TBCK: variants seen among roughly 807,000 people sequenced by gnomAD.
TBCK encodes TBC domain-containing protein kinase-like protein.
In TBCK, 99 loss-of-function variants were observed where a neutral mutation model predicts 113.4. The observed-to-expected ratio is 0.87, with a 90% CI of 0.74 to 1.03. The LOEUF (loss-of-function observed/expected upper bound fraction) is 1.03, where lower values mean the gene tolerates loss of function less well. Ranked by LOEUF, TBCK falls within the 50% of genes least tolerant of loss-of-function variation. The pLI is 0.00. For synonymous variants in TBCK, 369 were observed against 370.8 expected, an observed-to-expected ratio of 1.00 and a Z score of 0.05; for missense variants, 1,045 against 1,061.3, an observed-to-expected ratio of 0.98 and a Z score of 0.21.
At chr4:106,217,273 C>G (rs1383133327) in intron 19 of TBCK, among the ~76,000 whole-genome samples, 2 of 152,070 alleles carry the variant, frequency 1.3e-5, no homozygotes, top group Non-Finnish European at 2.9e-5. Context: ...ACTGAATGGG[C>G]AAAAACTGGA....
chr4:106,105,573 CA>C (rs1742054042), intron 24 of TBCK, among the ~76,000 whole-genome samples: 1 of 152,178 alleles, frequency 6.6e-6, no homozygotes, highest in Non-Finnish European at 1.5e-5. Context: ...CACTACTGAA[CA>C]AAAGTCTACC....
At chr4:106,106,597 A>T (rs1468244126) in intron 24 of TBCK, among the ~76,000 whole-genome samples, 4 of 152,244 alleles carry the variant, frequency 2.6e-5, no homozygotes, top group Non-Finnish European at 1.5e-5. Flanking sequence ...GCAAATGTTA[A>T]GGGACTTCAT....
intron 5 of TBCK, among the ~76,000 whole-genome samples, chr4:106,256,318 G>A (rs748812525): frequency 3.3e-5 from 5 of 152,120 alleles, no homozygotes; most frequent in Non-Finnish European, 7.3e-5. Context: ...TTCGTGCCAC[G>A]GAGCGCCTGC....
intron 24 of TBCK, among the ~76,000 whole-genome samples, chr4:106,115,414 T>A (rs1457811072): frequency 6.6e-6 from 1 of 152,206 alleles, no homozygotes; most frequent in Admixed American, 6.5e-5. Flanking sequence ...AATTTTAGCA[T>A]ATAAGAAACC....
intron 23 of TBCK, among the ~76,000 whole-genome samples, chr4:106,133,261 A>G (rs1650427062): frequency 6.6e-6 from 1 of 152,184 alleles, no homozygotes; most frequent in African/African-American, 2.4e-5. Flanking sequence ...ATGGTAGTGA[A>G]TAAGTCTCAT....
chr4:106,185,444 G>T (rs1375979694), intron 22 of TBCK, among the ~76,000 whole-genome samples: 1 of 151,654 alleles, frequency 6.6e-6, no homozygotes, highest in Non-Finnish European at 1.5e-5. Flanking sequence ...ATTATATCTT[G>T]TATAACTTTA....
chr4:106,056,448 T>A (rs892747960), intron 25 of TBCK, among the ~76,000 whole-genome samples: 1 of 151,482 alleles, frequency 6.6e-6, no homozygotes, highest in Admixed American at 6.6e-5. Context: ...TCTCTTTATA[T>A]ATAAATATAG....
chr4:106,088,565 A>G (rs537032093), intron 25 of TBCK, among the ~76,000 whole-genome samples: 2 of 152,334 alleles, frequency 1.3e-5, no homozygotes, highest in East Asian at 3.9e-4. Flanking sequence ...AGAACCAGAA[A>G]AACCATCTGG....
chr4:106,168,304 T>TA lies in TBCK; in HGVS notation c.2235+2790dup, dbSNP rs201751905. 2.4e-4 allele frequency among the ~76,000 whole-genome samples: 37 copies of TA among 151,940 alleles called. No individual in the cohort carries two copies. In the East Asian group the frequency reaches 3.7e-3, roughly 15 times the overall value. On this transcript the variant is annotated intron_variant, in intron 23 of 25. Coordinates refer to ENST00000394708, the MANE Select transcript of TBCK (RefSeq NM_001163435.3). ...TACAAAATCCAACATGCATTCATGA[T>TA]AAAAAATCTCTCAGCAAATTGGGAA...
chr4:106,199,110 C>T (rs1754588869), intron 20 of TBCK, among the ~76,000 whole-genome samples: 1 of 152,144 alleles, frequency 6.6e-6, no homozygotes, highest in South Asian at 2.1e-4. Context: ...AGTAGATATT[C>T]ATTAAATAGT....
intron 15 of TBCK, among the ~76,000 whole-genome samples, chr4:106,234,444 A>G (rs1759226189): frequency 6.6e-6 from 1 of 152,082 alleles, no homozygotes; most frequent in African/African-American, 2.4e-5. Flanking sequence ...ATAGTTGAGG[A>G]TTTCTAAAAA....
intron 19 of TBCK, among the ~76,000 whole-genome samples, chr4:106,227,635 T>C (rs976946872): frequency 1.3e-4 from 19 of 151,956 alleles, no homozygotes; most frequent in African/African-American, 4.6e-4. Flanking sequence ...CATAATGATA[T>C]ATATAATACA....
At chr4:106,242,628 G>T in intron 11 of TBCK, 59 bp from the exon 12 acceptor site, 1 of 1,233,428 alleles carries the variant, frequency 8.1e-7, no homozygotes, top group Non-Finnish European at 1.1e-6. Flanking sequence ...GTTTCTTCTA[G>T]AAAGTAAAGT....
At chr4:106,293,768 T>C (rs1212810145) in intron 3 of TBCK, among the ~76,000 whole-genome samples, 4 of 152,230 alleles carry the variant, frequency 2.6e-5, no homozygotes, top group African/African-American at 7.2e-5. Flanking sequence ...AGATTTTTCA[T>C]CTAGAATATT....
intron 23 of TBCK, among the ~76,000 whole-genome samples, chr4:106,127,875 A>AG (rs1355968291): frequency 6.6e-6 from 1 of 152,158 alleles, no homozygotes; most frequent in African/African-American, 2.4e-5. Context: ...GGCAAAAAAA[A>AG]TTGAAAAAGT....
At chr4:106,078,553 G>C (rs938244618) in intron 25 of TBCK, among the ~76,000 whole-genome samples, 2 of 151,974 alleles carry the variant, frequency 1.3e-5, no homozygotes, top group Admixed American at 1.3e-4. Context: ...TAAATTCCTG[G>C]AAACACATAG....
chr4:106,214,213 T>C (rs1178550184), intron 19 of TBCK, among the ~76,000 whole-genome samples: 1 of 151,936 alleles, frequency 6.6e-6, no homozygotes, highest in Non-Finnish European at 1.5e-5. Context: ...CAAAAACCCA[T>C]CTGTACATCA....
intron 3 of TBCK, among the ~76,000 whole-genome samples, chr4:106,291,770 G>A (rs1310701103): frequency 6.6e-6 from 1 of 152,158 alleles, no homozygotes; most frequent in African/African-American, 2.4e-5. Context: ...GAAATTTTAG[G>A]AGAGGATGCC....
At chr4:106,290,881 T>C (rs1765641200) in intron 3 of TBCK, among the ~76,000 whole-genome samples, 1 of 152,186 alleles carries the variant, frequency 6.6e-6, no homozygotes, top group Non-Finnish European at 1.5e-5. Context: ...GTGATCAGGG[T>C]TGCGGGCTCC....
Sources: allele counts gnomAD v4.1 joint callset (sites outside exome capture counted in the v4.1 genomes callset), GRCh38; gene constraint gnomAD v4.1.1; transcripts MANE v1.5; gene names NCBI Gene and HGNC (gene_info 2026-07-23, HGNC 2026-07-21).